AK9: variants seen among roughly 807,000 people sequenced by gnomAD.
AK9 encodes adenylate kinase 9, also known as adenylate kinase domain containing 1.
In AK9, 191 loss-of-function variants were observed where a neutral mutation model predicts 239.6. The ratio of observed to expected loss-of-function variants is 0.80; its 90% CI spans 0.71 to 0.90. The LOEUF (loss-of-function observed/expected upper bound fraction) is 0.90, where lower values mean the gene tolerates loss of function less well. AK9 is among the 40% of genes least tolerant of loss of function. AK9 has a pLI of 0.00. For synonymous variants in AK9, 689 were observed against 721.0 expected (o/e 0.96, Z 0.71); for missense variants, 1,995 against 2,214.7 (o/e 0.90, Z 1.99).
chr6:109,515,614 G>C lies in AK9; in HGVS notation c.4065+243C>G, dbSNP rs1177106442. Reference sequence around the variant, plus strand: ...AGTTCATGGATGGGAGTAAATGCTAGAGATAAGGAGAAACTCAGGGGGAGG... The same window carrying C: ...AGTTCATGGATGGGAGTAAATGCTACAGATAAGGAGAAACTCAGGGGGAGG... On this transcript the variant is annotated intron_variant, in intron 31 of 40. Transcript: ENST00000424296. Among the ~76,000 whole-genome samples the C allele has an allele frequency of 2.6e-5, 4 of 152,228 alleles. No homozygotes were observed. In the South Asian group the frequency reaches 8.3e-4, roughly 32 times the overall value.
rs1168948704 is a variant in AK9 at position 109,610,495 on chromosome 6, A to G, written c.1712T>C (p.Ile571Thr). The stretch of plus-strand genomic sequence containing the variant: ...TGGATGATCTGCAGTTACCTCTTCT[A>G]TCAAGTCTTCTGTTGGGGCTAAAGT... Reference protein sequence around the residue: ...YSDTAPTEDLIEEVTADHPEV... With the variant: ...YSDTAPTEDLTEEVTADHPEV... Residue 571 changes from isoleucine to threonine, a missense_variant, in exon 17 of 41, where the codon ATA becomes ACA. This residue lies in a region of AK9 where 1,290 missense variants were observed against 1,392.7 expected (regional missense o/e 0.93). Transcript: ENST00000424296. The G allele has an allele frequency of 5.2e-6, 8 of 1,551,128 alleles. No individual in the cohort carries two copies. The highest frequency in any genetic ancestry group is 2.0e-5 in the Admixed American group (1 of 50,966).
rs559593219 is a variant in AK9, at chr6:109,516,278, T to C, written c.3846+152A>G. Among the ~76,000 whole-genome samples the C allele has an allele frequency of 7.2e-5, 11 of 152,314 alleles. 1 individual carries two copies. The South Asian group carries it at 2.3e-3, about 32-fold the overall frequency. On this transcript the variant is annotated intron_variant, in intron 30 of 40. Transcript: ENST00000424296. The stretch of plus-strand genomic sequence containing the variant: ...ACGTTGCTCTTAATTTATGGACTTA[T>C]TGCATAATTGTTAAATGATACCGAT...
intron 13 of AK9, 52 bp from the exon 14 acceptor site, chr6:109,614,532 A>C: frequency 6.9e-7 from 1 of 1,454,278 alleles, no homozygotes; most frequent in South Asian, 1.2e-5. Context: ...GGATAGAAAA[A>C]CAGGTAGAGT....
intron 32 of AK9, among the ~76,000 whole-genome samples, chr6:109,510,186 C>T (rs1157427328): frequency 6.6e-6 from 1 of 151,998 alleles, no homozygotes; most frequent in Non-Finnish European, 1.5e-5. Flanking sequence ...TACCCAGGGC[C>T]ACCCATGGAC....
intron 40 of AK9, 27 bp downstream of exon 40, chr6:109,493,954 A>G: frequency 6.7e-7 from 1 of 1,494,756 alleles, no homozygotes; most frequent in Non-Finnish European, 9.3e-7. Context: ...ATTTGTTCTG[A>G]GTAGTAAATA....
intron 19 of AK9, among the ~76,000 whole-genome samples, chr6:109,582,310 T>C (rs1236910841): frequency 2.0e-5 from 3 of 152,194 alleles, no homozygotes; most frequent in Non-Finnish European, 4.4e-5. Context: ...CTAATAGATC[T>C]GAGCAAAGTA....
chr6:109,585,118 T>C lies in AK9; in HGVS notation c.2114+5A>G. ...ATCTGTTTTATCATTCTAGGCAGAT[T>C]TTACCTTGCTTCTTCTTCTTCTTTT... On this transcript the variant is annotated splice_donor_5th_base_variant and intron_variant, in intron 19 of 40. Transcript: ENST00000424296. 1 of 1,153,852 alleles carries C rather than the reference T, an allele frequency of 8.7e-7. No individual in the cohort carries two copies. The highest frequency in any genetic ancestry group is 1.1e-6 in the Non-Finnish European group (1 of 913,018). The allele number at this position is 1,153,852 out of a possible 1,614,324, so 71.5% of individuals were successfully genotyped here.
At chr6:109,516,678 A>T in intron 29 of AK9, 36 bp from the exon 30 acceptor site, 3 of 1,458,864 alleles carry the variant, frequency 2.1e-6, no homozygotes, top group Non-Finnish European at 2.8e-6. Context: ...CTATACATAT[A>T]AAATATGTAA....
chr6:109,636,780 A>ACACACACACACACC lies in AK9; in HGVS notation c.934-3458_934-3457insGGTGTGTGTGTGTG, dbSNP rs1257099610. Among the ~76,000 whole-genome samples the ACACACACACACACC allele has an allele frequency of 2.8e-4, 42 of 151,096 alleles. No individual in the cohort carries two copies. In the Admixed American group the frequency reaches 2.8e-3, roughly 10 times the overall value. ...CACACACACACACACACACACACAC[A>ACACACACACACACC]CACCACATTTTATCAGTTCATCCAT... On this transcript the variant is annotated intron_variant, in intron 10 of 40. Coordinates refer to ENST00000424296, the MANE Select transcript of AK9 (RefSeq NM_001145128.3).
intron 9 of AK9, among the ~76,000 whole-genome samples, chr6:109,642,820 T>C (rs533942567): frequency 6.6e-6 from 1 of 152,262 alleles, no homozygotes; most frequent in South Asian, 2.1e-4. Context: ...CTTGCACACT[T>C]AAATCTGAAA....
At chr6:109,550,061 CA>C (rs754774315) in intron 25 of AK9, 28 bp downstream of exon 25, 9 of 1,599,282 alleles carry the variant, frequency 5.6e-6, no homozygotes, top group Non-Finnish European at 7.7e-6. Flanking sequence ...CCTGTGGGAG[CA>C]ATCATTAAGA....
chr6:109,595,318 G>A (rs765070355), intron 17 of AK9, among the ~76,000 whole-genome samples: 1 of 152,080 alleles, frequency 6.6e-6, no homozygotes, highest in African/African-American at 2.4e-5. Context: ...ACCATCTCAC[G>A]CCAGTTAGAA....
intron 28 of AK9, 90 bp from the exon 29 acceptor site, chr6:109,529,163 T>A (rs1742156744): frequency 2.7e-5 from 38 of 1,394,442 alleles, no homozygotes; most frequent in Non-Finnish European, 3.5e-5. Context: ...AAAGTAGGAA[T>A]AACGTTTGGG....
chr6:109,648,565 C>A (rs1798426736), intron 8 of AK9, among the ~76,000 whole-genome samples: 1 of 152,144 alleles, frequency 6.6e-6, no homozygotes, highest in African/African-American at 2.4e-5. Flanking sequence ...TCTGAATAGA[C>A]CAATAACAGG....
rs377324830 is a variant in AK9 at position 109,599,685 on chromosome 6, T to C, written c.1842+10680A>G. ...TTGGGCAGTATGGCCATTTTCACGA[T>C]ATTGATTCTTCCTATCCATGAGCAT... On this transcript the variant is annotated intron_variant, in intron 17 of 40. Coordinates refer to ENST00000424296, the MANE Select transcript of AK9 (RefSeq NM_001145128.3). Among the ~76,000 whole-genome samples, 8 of 151,874 alleles carry C rather than the reference T, an allele frequency of 5.3e-5. No individual in the cohort carries two copies. In the South Asian group the frequency reaches 1.0e-3, roughly 20 times the overall value.
chr6:109,663,939 C>T (rs1217780267), intron 5 of AK9, among the ~76,000 whole-genome samples: 1 of 152,180 alleles, frequency 6.6e-6, no homozygotes, highest in Non-Finnish European at 1.5e-5. Context: ...ACTACATTTT[C>T]TTCATGTATT....
At chr6:109,511,863 AG>A (rs1232816175) in intron 32 of AK9, among the ~76,000 whole-genome samples, 5 of 152,226 alleles carry the variant, frequency 3.3e-5, no homozygotes, top group African/African-American at 1.2e-4. Flanking sequence ...CAAAAAAATG[AG>A]ATATCAGGTA....
chr6:109,568,406 AT>A (rs1786897316), intron 21 of AK9, among the ~76,000 whole-genome samples: 1 of 152,186 alleles, frequency 6.6e-6, no homozygotes, highest in South Asian at 2.1e-4. Context: ...CCTATTCAAC[AT>A]AGTGTTGGAA....
chr6:109,528,353 T>C, intron 29 of AK9: 1 of 359,310 alleles, frequency 2.8e-6, no homozygotes, highest in Non-Finnish European at 5.5e-6. Flanking sequence ...CTACGATTTC[T>C]GTAAGTTTTG....
Sources: gnomAD v4.1 joint callset for allele counts (sites outside exome capture counted in the v4.1 genomes callset) on GRCh38, gnomAD v4.1.1 for gene constraint, gnomAD v4.1.1 regional missense constraint, MANE v1.5 for transcripts, NCBI Gene and HGNC (gene_info 2026-07-23, HGNC 2026-07-21) for gene names.